POF1B: variants seen among roughly 807,000 people sequenced by gnomAD.
POF1B encodes POF1B actin binding protein.
POF1B carries 53 observed loss-of-function variants against 55.3 expected under a neutral mutation model. The ratio of observed to expected loss-of-function variants is 0.96; its 90% CI spans 0.77 to 1.20. The LOEUF is 1.20. POF1B is among the 50% of genes most tolerant of loss of function. The pLI, the probability that POF1B is intolerant of heterozygous loss-of-function variation, is 0.00. For synonymous variants in POF1B, 188 were observed against 148.3 expected, an observed-to-expected ratio of 1.27 and a Z score of -1.95; for missense variants, 478 against 420.5, an observed-to-expected ratio of 1.14 and a Z score of -1.20.
At chrX:85,342,146 C>T (rs1933184280) in intron 6 of POF1B, among the ~76,000 whole-genome samples, 1 of 111,469 alleles carries the variant, frequency 9.0e-6, no homozygotes, top group East Asian at 2.8e-4. Context: ...TCCTTAATTT[C>T]TTCAGGGAAG....
intron 6 of POF1B, among the ~76,000 whole-genome samples, chrX:85,333,705 T>A (rs1471666371): frequency 9.0e-6 from 1 of 111,128 alleles, no homozygotes; most frequent in Non-Finnish European, 1.9e-5. Flanking sequence ...CATCACACAG[T>A]CTAATTGGAG....
In POF1B at chrX:85,351,373, C is replaced by G. The variant is rs767611594; in HGVS notation, c.517G>C (p.Val173Leu). 1.7e-6 allele frequency: 2 copies of G among 1,193,815 alleles called. No homozygotes were observed. Among genetic ancestry groups the G allele is most frequent in the Non-Finnish European group, 2.3e-6 (2 of 883,601 alleles). The change falls in exon 5 of 17, where the codon GTG (valine) becomes CTG (leucine). Residue 173 changes from valine to leucine, a missense_variant. Transcript: ENST00000262753. ...NVIYEKTIRKVEKLNTDQGCH... is the reference protein window; with the variant it reads ...NVIYEKTIRKLEKLNTDQGCH... ...ACCTGATCAGTATTTAGCTTCTCCA[C>G]TTTTCTTATTGTTTTTTCATAAATA...
rs1404075884 is a variant in POF1B, at chrX:85,307,180, T to G, written c.1147A>C (p.Asn383His). The G allele has an allele frequency of 2.5e-6, 3 of 1,201,401 alleles. No homozygotes were observed. The African/African-American group carries it at 5.3e-5, about 21-fold the overall frequency. Residue 383 changes from asparagine to histidine, a missense_variant, in exon 11 of 17, where the codon AAT (asparagine) becomes CAT (histidine). Physicochemically the swap from Asn to His is moderately conservative, Grantham distance 68. Coordinates refer to ENST00000262753, the MANE Select transcript of POF1B (RefSeq NM_024921.4). The part of the protein sequence containing the change: ...YEELLASVRA[N>H]NHQQQQGLQD... ...CAGTTTACCTGCTGCTGGTGATTAT[T>G]TGCTCTCACTGATGCCAAGAGTTCT...
chrX:85,301,966 C>T (rs1019350340), intron 15 of POF1B, among the ~76,000 whole-genome samples: 2 of 111,133 alleles, frequency 1.8e-5, no homozygotes, highest in Admixed American at 9.6e-5. Flanking sequence ...ATATTTCATA[C>T]AATTAGTAAC....
At chrX:85,306,514 TCTCA>T (rs1229535731) in intron 11 of POF1B, among the ~76,000 whole-genome samples, 181 bp from the exon 12 acceptor site, 7 of 111,347 alleles carry the variant, frequency 6.3e-5, no homozygotes, top group African/African-American at 2.3e-4. Context: ...TTGCCTCTAG[TCTCA>T]CTCATCTATT....
At chrX:85,363,932 G>T (rs1308587222) in intron 3 of POF1B, among the ~76,000 whole-genome samples, 1 of 111,659 alleles carries the variant, frequency 9.0e-6, no homozygotes, top group African/African-American at 3.3e-5. Context: ...TGGTACACCT[G>T]TGATGGGTGC....
At chrX:85,321,783 T>C (rs1932840439) in intron 7 of POF1B, among the ~76,000 whole-genome samples, 2 of 101,755 alleles carry the variant, frequency 2.0e-5, no homozygotes, top group Non-Finnish European at 3.9e-5. Context: ...ATCACAAGCA[T>C]TCTTGTACAC....
intron 2 of POF1B, among the ~76,000 whole-genome samples, chrX:85,369,492 G>T (rs889463540): frequency 1.8e-5 from 2 of 111,224 alleles, no homozygotes; most frequent in Non-Finnish European, 1.9e-5. Flanking sequence ...CAGTTAAGAT[G>T]TCTTTACATA....
chrX:85,370,786 A>C (rs1338598502), intron 2 of POF1B, among the ~76,000 whole-genome samples: 1 of 111,526 alleles, frequency 9.0e-6, no homozygotes, highest in Non-Finnish European at 1.9e-5. Flanking sequence ...GTGATCCAAA[A>C]TATTTTTGAA....
Position 85,322,253 on chromosome X carries a change from T to C in POF1B, c.855-6519A>G, listed in dbSNP as rs1603045736. ...ACCGGTACCAAAAGAGAGATATAGA[T>C]CAATGGAACAGAACAGAGCCCTCAG... On this transcript the variant is annotated intron_variant, in intron 7 of 16. Coordinates refer to ENST00000262753, the MANE Select transcript of POF1B (RefSeq NM_024921.4). 2.7e-5 allele frequency among the ~76,000 whole-genome samples: 3 copies of C among 110,281 alleles called. No individual in the cohort carries two copies. The Admixed American group carries it at 2.9e-4, about 11-fold the overall frequency.
intron 15 of POF1B, among the ~76,000 whole-genome samples, chrX:85,292,367 G>C (rs186399687): frequency 8.9e-6 from 1 of 111,771 alleles, no homozygotes; most frequent in Non-Finnish European, 1.9e-5. Context: ...TTGCATTGAT[G>C]TTCATCAAGG....
intron 3 of POF1B, among the ~76,000 whole-genome samples, chrX:85,362,320 C>T (rs912293612): frequency 9.0e-6 from 1 of 111,229 alleles, no homozygotes; most frequent in African/African-American, 3.3e-5. Context: ...TTGTCTTATG[C>T]CAGTTTTCAA....
intron 16 of POF1B, 151 bp downstream of exon 16, chrX:85,282,052 G>C: frequency 4.8e-6 from 3 of 622,248 alleles, no homozygotes; most frequent in Non-Finnish European, 6.5e-6. Flanking sequence ...TCCAAAATTT[G>C]TTAATTCCCA....
chrX:85,337,185 T>C (rs2147929364), intron 6 of POF1B, among the ~76,000 whole-genome samples: 1 of 111,729 alleles, frequency 9.0e-6, no homozygotes, highest in East Asian at 2.8e-4. Flanking sequence ...CCAGGCTATT[T>C]TACCAGGTTA....
At chrX:85,367,065 C>A (rs1933736583) in intron 3 of POF1B, among the ~76,000 whole-genome samples, 1 of 111,188 alleles carries the variant, frequency 9.0e-6, no homozygotes, top group Admixed American at 9.5e-5. Flanking sequence ...AATCCCATAA[C>A]CCCTTTACTC....
At chrX:85,296,391 C>T (rs948339797) in intron 15 of POF1B, among the ~76,000 whole-genome samples, 1 of 111,912 alleles carries the variant, frequency 8.9e-6, no homozygotes, top group African/African-American at 3.2e-5. Context: ...TATTTCATTT[C>T]CATGTTTATC....
chrX:85,372,731 A>AGT (rs1933850086), intron 2 of POF1B, among the ~76,000 whole-genome samples: 1 of 103,092 alleles, frequency 9.7e-6, no homozygotes, highest in Non-Finnish European at 2.0e-5. Flanking sequence ...ATATATATAT[A>AGT]AATATATTTT....
intron 15 of POF1B, among the ~76,000 whole-genome samples, chrX:85,299,262 G>A (rs1463007308): frequency 1.0e-5 from 1 of 98,893 alleles, no homozygotes; most frequent in African/African-American, 3.7e-5. Flanking sequence ...TGCGATCTTG[G>A]CTCACTGCAA....
At chrX:85,317,335 T>C (rs1029487740) in intron 7 of POF1B, among the ~76,000 whole-genome samples, 1 of 108,941 alleles carries the variant, frequency 9.2e-6, no homozygotes, top group African/African-American at 3.3e-5. Flanking sequence ...TTTAAGTTCT[T>C]GGACAAATTG....
Sources: allele counts gnomAD v4.1 joint callset (sites outside exome capture counted in the v4.1 genomes callset), GRCh38; gene constraint gnomAD v4.1.1; transcripts MANE v1.5; gene names NCBI Gene and HGNC (gene_info 2026-07-23, HGNC 2026-07-21).